TPM2: variants seen among roughly 807,000 people sequenced by gnomAD.
TPM2 encodes tropomyosin beta chain.
TPM2 carries 26 observed loss-of-function variants against 41.0 expected under a neutral mutation model. That is an observed-to-expected ratio of 0.63 (90% CI 0.46 to 0.88). TPM2 has a LOEUF of 0.88. Among genes scored for constraint, TPM2 ranks in the 40% least tolerant of loss-of-function variants. The pLI is 0.00. For synonymous variants in TPM2, 143 were observed against 139.3 expected (o/e 1.03, Z -0.19); for missense variants, 187 against 355.2 (o/e 0.53, Z 3.81).
At chr9:35,690,041 CG>C, upstream of TPM2, 14 of 1,359,286 alleles carry the variant, frequency 1.0e-5, no homozygotes, top group East Asian at 3.1e-5. Context: ...ACGGCCCGGC[CG>C]GGGGGTGCGG....
At position 35,685,572 on chromosome 9, in the gene TPM2, G is replaced by A. The variant is rs367744379; in HGVS notation, c.375-21C>T. 2 of 1,614,066 alleles carry A rather than the reference G, an allele frequency of 1.2e-6. No homozygotes were observed. Among genetic ancestry groups the A allele is most frequent in the Admixed American group, 1.7e-5 (1 of 60,006 alleles). ...TTCCTCTGAAAGGCAGGGAGAGGGT[G>A]AGCGTAGGGTCAGGACCAGCAGAGA... On this transcript the variant is annotated intron_variant, in intron 3 of 8. Coordinates refer to ENST00000645482, the MANE Select transcript of TPM2 (RefSeq NM_003289.4). The surrounding 1 kb of genome is among the most constrained non-coding windows in gnomAD (Gnocchi z 5.0).
intron 8 of TPM2, among the ~76,000 whole-genome samples, chr9:35,683,818 C>T (rs1463303179): frequency 6.6e-6 from 1 of 152,190 alleles, no homozygotes; most frequent in Non-Finnish European, 1.5e-5. Context: ...CAACAGCTCT[C>T]TAGTTAATAA....
In TPM2 at chr9:35,685,256, C is replaced by A. The variant is rs200644786; in HGVS notation, c.563+13G>T. On this transcript the variant is annotated intron_variant, in intron 5 of 8. Transcript: ENST00000645482. The surrounding 1 kb of genome is among the most constrained non-coding windows in gnomAD (Gnocchi z 5.0). Reference sequence around the variant, plus strand: ...GGCCAATGGGCTCACTTGTCACCCCCGGGTATCTTTACCTCTCGGCCACCT... The same window carrying A: ...GGCCAATGGGCTCACTTGTCACCCCAGGGTATCTTTACCTCTCGGCCACCT... 7 of 1,614,226 alleles carry A rather than the reference C, an allele frequency of 4.3e-6. No individual in the cohort carries two copies. In the South Asian group the frequency reaches 6.6e-5, roughly 15 times the overall value.
rs376028030 is a variant in TPM2 at position 35,685,664 on chromosome 9, C to T, written c.357G>A (p.Ala119=). 4.2e-5 allele frequency: 68 copies of T among 1,614,094 alleles called. No homozygotes were observed. The highest frequency in any genetic ancestry group is 1.3e-4 in the East Asian group (6 of 44,856). ...ALQKLEEAEK[A]ADESERGMKV... is the part of the protein sequence containing the mutation. ...CTGACCACCTCTCGCTCTCATCAGC[C>T]GCCTTCTCGGCCTCCTCCAGCTTCT... Residue 119 remains alanine, a synonymous_variant, in exon 3 of 9, where the codon GCG becomes GCA. Transcript: ENST00000645482. The surrounding 1 kb of genome is among the most constrained non-coding windows in gnomAD (Gnocchi z 5.0).
chr9:35,689,408 G>A, intron 1 of TPM2, 137 bp from the exon 2 acceptor site: 5 of 1,474,234 alleles, frequency 3.4e-6, no homozygotes, highest in Non-Finnish European at 4.5e-6. Context: ...GGACAGTACA[G>A]TCAAGGGTAC....
At chr9:35,684,181 G>GAGA (rs1472890180) in intron 8 of TPM2, 65 bp downstream of exon 8, 1 of 1,536,562 alleles carries the variant, frequency 6.5e-7, no homozygotes, top group East Asian at 2.2e-5. Context: ...AAAATGGGAT[G>GAGA]AGAAGGTACA....
Position 35,689,740 on chromosome 9 carries a change from T to C in TPM2, c.78A>G (p.Glu26=), listed in dbSNP as rs747252833. Reference sequence around the variant, plus strand: ...GGTCCTCAGCTTGCTTCTTGTCGGCTTCGGCCTGCTCGGCGCGGTCGATGG... The same window carrying C: ...GGTCCTCAGCTTGCTTCTTGTCGGCCTCGGCCTGCTCGGCGCGGTCGATGG... ...ENAIDRAEQA[E]ADKKQAEDRC... is the part of the protein sequence containing the mutation. Residue 26 remains glutamate, a synonymous_variant, in exon 1 of 9, where the codon GAA becomes GAG. Coordinates refer to ENST00000645482, the MANE Select transcript of TPM2 (RefSeq NM_003289.4). The C allele has an allele frequency of 6.2e-6, 10 of 1,613,724 alleles. No homozygotes were observed. The South Asian group carries it at 8.8e-5, about 14-fold the overall frequency.
intron 2 of TPM2, among the ~76,000 whole-genome samples, chr9:35,688,134 G>C (rs539402358): frequency 5.7e-4 from 86 of 152,204 alleles, no homozygotes; most frequent in Middle Eastern, 3.4e-3. Context: ...TATTTATAGA[G>C]TGTCAGATGC....
Position 35,685,260 on chromosome 9 carries a change from T to G in TPM2, c.563+9A>C. On this transcript the variant is annotated intron_variant, in intron 5 of 8. Transcript: ENST00000645482. This position sits in a 1 kb window ranked among gnomAD's most constrained non-coding sequence, Gnocchi z 5.0. ...AATGGGCTCACTTGTCACCCCCGGG[T>G]ATCTTTACCTCTCGGCCACCTCAGC... 1.2e-6 allele frequency: 2 copies of G among 1,614,158 alleles called. No individual in the cohort carries two copies. The highest frequency in any genetic ancestry group is 1.7e-6 in the Non-Finnish European group (2 of 1,180,024).
Position 35,685,132 on chromosome 9 carries a change from T to C in TPM2, c.563+137A>G, listed in dbSNP as rs1071835. 2 of 1,614,108 alleles carry C rather than the reference T, an allele frequency of 1.2e-6. No homozygotes were observed. The highest frequency in any genetic ancestry group is 1.7e-6 in the Non-Finnish European group (2 of 1,179,998). On this transcript the variant is annotated intron_variant, in intron 5 of 8. Coordinates refer to ENST00000645482, the MANE Select transcript of TPM2 (RefSeq NM_003289.4). This position sits in a 1 kb window ranked among gnomAD's most constrained non-coding sequence, Gnocchi z 5.0. ...GTTCGAAGTTCCTCCTCCAGCTGTC[T>C]GGCTCGGCTGGGGGCAGCGGGCAGG... is the stretch of plus-strand genomic sequence containing the variant.
At chr9:35,689,999 C>T (rs994076994), upstream of TPM2, 3 of 1,455,710 alleles carry the variant, frequency 2.1e-6, no homozygotes, top group East Asian at 2.5e-5. Flanking sequence ...GACCCTCCCC[C>T]ACCTCGGCCC....
chr9:35,689,387 T>A, intron 1 of TPM2, 116 bp from the exon 2 acceptor site: 1 of 1,519,478 alleles, frequency 6.6e-7, no homozygotes, highest in South Asian at 1.3e-5. Flanking sequence ...GGAAGCGGAA[T>A]AACATAAAAG....
At chr9:35,688,330 T>C (rs1175370229) in intron 2 of TPM2, among the ~76,000 whole-genome samples, 1 of 152,112 alleles carries the variant, frequency 6.6e-6, no homozygotes, top group African/African-American at 2.4e-5. Flanking sequence ...AATCTAACCA[T>C]AGGTTCATCT....
At chr9:35,686,721 A>G (rs1824936768) in intron 2 of TPM2, among the ~76,000 whole-genome samples, 1 of 151,812 alleles carries the variant, frequency 6.6e-6, no homozygotes, top group South Asian at 2.1e-4. Context: ...GAAGCCCAAG[A>G]GGCAGGCCTA....
chr9:35,685,033 A>T lies in TPM2; in HGVS notation c.564-226T>A. ...GGAAGGTGAGCTGAGAGAAGGCGCC[A>T]TTGCCCAGAAAGGTTCAGAGGGGTC... On this transcript the variant is annotated intron_variant, in intron 5 of 8. Coordinates refer to ENST00000645482, the MANE Select transcript of TPM2 (RefSeq NM_003289.4). The surrounding 1 kb of genome is among the most constrained non-coding windows in gnomAD (Gnocchi z 5.0). 1 of 1,614,162 alleles carries T rather than the reference A, an allele frequency of 6.2e-7. No homozygotes were observed. Among genetic ancestry groups the T allele is most frequent in the Non-Finnish European group, 8.5e-7 (1 of 1,180,014 alleles).
downstream of TPM2, chr9:35,682,881 C>G: frequency 6.8e-7 from 1 of 1,465,072 alleles, no homozygotes; most frequent in Non-Finnish European, 9.1e-7. Context: ...AACCAGTGCT[C>G]CGTGGTGGCG....
At chr9:35,688,716 G>A (rs1375343130) in intron 2 of TPM2, among the ~76,000 whole-genome samples, 1 of 152,094 alleles carries the variant, frequency 6.6e-6, no homozygotes, top group Non-Finnish European at 1.5e-5. Context: ...AACTCAAGTG[G>A]GGTCTCATCT....
At chr9:35,688,790 G>T (rs1021762118) in intron 2 of TPM2, among the ~76,000 whole-genome samples, 1 of 152,076 alleles carries the variant, frequency 6.6e-6, no homozygotes, top group African/African-American at 2.4e-5. Flanking sequence ...ATCCCCAAAC[G>T]GCTGCAGTCT....
rs1587958402 is a variant in TPM2, at chr9:35,685,512, C to T, written c.414G>A (p.Glu138=). The T allele has an allele frequency of 6.2e-7, 1 of 1,614,252 alleles. No individual in the cohort carries two copies. Among genetic ancestry groups the T allele is most frequent in the East Asian group, 2.2e-5 (1 of 44,884 alleles). ...KVIENRAMKD[E]EKMELQEMQL... is the part of the protein sequence containing the mutation. Reference sequence around the variant, plus strand: ...GCATCTCCTGCAGTTCCATCTTCTCCTCATCCTTCATGGCCCGGTTTTCGA... The same window carrying T: ...GCATCTCCTGCAGTTCCATCTTCTCTTCATCCTTCATGGCCCGGTTTTCGA... Residue 138 remains glutamate, a synonymous_variant, in exon 4 of 9, where the codon GAG becomes GAA. Transcript: ENST00000645482. The surrounding 1 kb of genome is among the most constrained non-coding windows in gnomAD (Gnocchi z 5.0).
Sources: allele counts gnomAD v4.1 joint callset (sites outside exome capture counted in the v4.1 genomes callset), GRCh38; gene constraint gnomAD v4.1.1; non-coding constraint Gnocchi (gnomAD v3.1); transcripts MANE v1.5; gene names NCBI Gene and HGNC (gene_info 2026-07-23, HGNC 2026-07-21).